The following PSMB1 variants were observed in gnomAD, a reference collection of about 807,000 sequenced individuals.
PSMB1 encodes proteasome subunit beta type-1.
In PSMB1, 7 loss-of-function variants were observed where a neutral mutation model predicts 25.4. That is an observed-to-expected ratio of 0.28 (90% CI 0.16 to 0.52). PSMB1 has a LOEUF of 0.52. PSMB1 is among the 20% of genes least tolerant of loss of function. The pLI is 0.97. For synonymous variants in PSMB1, 119 were observed against 115.0 expected (o/e 1.03, Z -0.22); for missense variants, 284 against 302.2 (o/e 0.94, Z 0.45).
In PSMB1 at chr6:170,543,667, T is replaced by C; in HGVS notation, c.367A>G (p.Ile123Val). The C allele has an allele frequency of 3.1e-6, 5 of 1,611,758 alleles. No individual in the cohort carries two copies. The highest frequency in any genetic ancestry group is 2.2e-5 in the South Asian group (2 of 91,016). Residue 123 changes from isoleucine (I) to valine (V), a missense_variant, in exon 4 of 6, where the codon ATC becomes GTC. Physicochemically the swap from Ile to Val is conservative, Grantham distance 29 (BLOSUM62 3). Coordinates refer to ENST00000262193, the MANE Select transcript of PSMB1 (RefSeq NM_002793.4). ...TGAIAAMLST[I>V]LYSRRFFPYY... is the part of the protein sequence containing the mutation. ...GGAAAGAAGCGCCTTGAATACAGGA[T>C]TGTAGACAGCATTGCAGCAATTGCC...
At chr6:170,541,069 G>A (rs2223474) in intron 4 of PSMB1, among the ~76,000 whole-genome samples, 65,239 of 151,900 alleles carry the variant, frequency 0.43, 14,567 homozygotes, top group East Asian at 0.77. Flanking sequence ...AAAAGGTCCC[G>A]TTTTGTTTTT....
chr6:170,537,165 G>A (rs1778704870), intron 5 of PSMB1, 69 bp downstream of exon 5: 1 of 1,203,272 alleles, frequency 8.3e-7, no homozygotes, highest in Non-Finnish European at 1.2e-6. Context: ...AGAACTTGGA[G>A]GAAGGCACTT....
At chr6:170,550,085 A>G (rs964131281) in intron 1 of PSMB1, 2 of 152,222 alleles carry the variant, frequency 1.3e-5, no homozygotes, top group Admixed American at 1.3e-4. Context: ...GGCTTGACTG[A>G]TAACTATAAC....
intron 2 of PSMB1, 44 bp downstream of exon 2, chr6:170,548,962 C>A (rs1207562954): frequency 7.4e-7 from 1 of 1,359,468 alleles, no homozygotes; most frequent in South Asian, 1.2e-5. Context: ...AACATCAAAT[C>A]ATTACAAAGG....
intron 2 of PSMB1, among the ~76,000 whole-genome samples, chr6:170,547,487 G>A (rs1778833828): frequency 6.6e-6 from 1 of 152,162 alleles, no homozygotes; most frequent in South Asian, 2.1e-4. Context: ...ACTTACGAAT[G>A]ACTCGCACAA....
At chr6:170,547,836 T>C (rs1479585974) in intron 2 of PSMB1, among the ~76,000 whole-genome samples, 1 of 147,382 alleles carries the variant, frequency 6.8e-6, no homozygotes, top group African/African-American at 2.5e-5. Context: ...CATTCGTTAA[T>C]GCTGCATTGT....
intron 1 of PSMB1, 51 bp downstream of exon 1, chr6:170,553,079 G>T: frequency 6.8e-7 from 1 of 1,479,930 alleles, no homozygotes; most frequent in Non-Finnish European, 9.3e-7. Context: ...ATAGGCTTCA[G>T]CAGATGGGGG....
Position 170,553,116 on chromosome 6 carries a change from T to G in PSMB1, c.113+14A>C. 1 of 1,592,416 alleles carries G rather than the reference T, an allele frequency of 6.3e-7. No individual in the cohort carries two copies. The highest frequency in any genetic ancestry group is 8.6e-7 in the Non-Finnish European group (1 of 1,166,724). ...AGGGCGAAAGTGAAAGCCGCAGCTC[T>G]CTGGGGTTTTTACCCTCCGTTGAAA... On this transcript the variant is annotated intron_variant, in intron 1 of 5. Transcript: ENST00000262193.
At chr6:170,543,219 G>A (rs1481844638) in intron 4 of PSMB1, among the ~76,000 whole-genome samples, 3 of 152,122 alleles carry the variant, frequency 2.0e-5, no homozygotes, top group Non-Finnish European at 4.4e-5. Context: ...TACCCCAAAT[G>A]ACTTCTAGAA....
intron 5 of PSMB1, 128 bp from the exon 6 acceptor site, chr6:170,535,533 C>A: frequency 1.2e-6 from 1 of 801,166 alleles, no homozygotes; most frequent in Non-Finnish European, 1.9e-6. Flanking sequence ...ATTAAAATGT[C>A]CTTCAGACTG....
intron 4 of PSMB1, among the ~76,000 whole-genome samples, chr6:170,540,441 T>G (rs897661298): frequency 5.9e-5 from 9 of 151,710 alleles, no homozygotes; most frequent in Non-Finnish European, 1.3e-4. Context: ...CCACCTCACC[T>G]CAGGAAAAAA....
At chr6:170,536,488 AATT>A (rs1430345392) in intron 5 of PSMB1, 2 of 456,646 alleles carry the variant, frequency 4.4e-6, no homozygotes, top group African/African-American at 2.0e-5. Flanking sequence ...GAAAAAGCTG[AATT>A]GCTTGATATG....
In PSMB1 at chr6:170,549,208, C is replaced by G; in HGVS notation, c.114-95G>C. On this transcript the variant is annotated intron_variant, in intron 1 of 5. Coordinates refer to ENST00000262193, the MANE Select transcript of PSMB1 (RefSeq NM_002793.4). ...ATAGTACATAATGGGATAAAATACT[C>G]TAGATGTCAACAAAAACATGATTCA... 1.2e-5 allele frequency: 7 copies of G among 587,858 alleles called. No homozygotes were observed. The South Asian group carries it at 1.9e-4, about 16-fold the overall frequency. The allele number at this position is 587,858 out of a possible 1,614,324, so 36.4% of individuals were successfully genotyped here.
At chr6:170,542,950 C>T (rs1383014007) in intron 4 of PSMB1, among the ~76,000 whole-genome samples, 1 of 152,154 alleles carries the variant, frequency 6.6e-6, no homozygotes, top group Non-Finnish European at 1.5e-5. Flanking sequence ...GGACACTGTA[C>T]TTGTATTTGA....
At chr6:170,538,987 T>A (rs1258549665) in intron 4 of PSMB1, among the ~76,000 whole-genome samples, 2 of 151,552 alleles carry the variant, frequency 1.3e-5, no homozygotes, top group Non-Finnish European at 1.5e-5. Flanking sequence ...ACAACAAATT[T>A]AAAAAAATAA....
chr6:170,552,115 T>C (rs1386011629), intron 1 of PSMB1, among the ~76,000 whole-genome samples: 3 of 152,384 alleles, frequency 2.0e-5, no homozygotes, highest in Middle Eastern at 3.4e-3. Flanking sequence ...GGTCTTGCTA[T>C]GCTGCGCAGG....
intron 2 of PSMB1, among the ~76,000 whole-genome samples, chr6:170,547,254 C>G (rs558232677): frequency 3.2e-4 from 48 of 152,238 alleles, no homozygotes; most frequent in African/African-American, 1.1e-3. Context: ...TATACTTATC[C>G]AAGTATGCAA....
chr6:170,542,742 T>C (rs1778771814), intron 4 of PSMB1, among the ~76,000 whole-genome samples: 1 of 152,220 alleles, frequency 6.6e-6, no homozygotes, highest in Non-Finnish European at 1.5e-5. Flanking sequence ...CTTACAGGAA[T>C]TCCTCTGCCC....
In PSMB1 at chr6:170,550,944, G is replaced by A. The variant is rs145236611; in HGVS notation, c.114-1831C>T. ...GTCAATTGCCTGAGATCAGGAGTTC[G>A]AGACCAGCCTGGCCAACATGGTGAA... is the stretch of plus-strand genomic sequence containing the variant. On this transcript the variant is annotated intron_variant, in intron 1 of 5. Transcript: ENST00000262193. 9.1e-3 allele frequency among the ~76,000 whole-genome samples: 1,325 copies of A among 145,774 alleles called. 25 individuals are homozygous for A. Among genetic ancestry groups the A allele is most frequent in the African/African-American group, 0.033 (1,275 of 38,314 alleles).
Sources: allele counts gnomAD v4.1 joint callset (sites outside exome capture counted in the v4.1 genomes callset), GRCh38; gene constraint gnomAD v4.1.1; transcripts MANE v1.5; gene names NCBI Gene and HGNC (gene_info 2026-07-23, HGNC 2026-07-21).